ARHGEF3: variants seen among roughly 807,000 people sequenced by gnomAD.
ARHGEF3 encodes the protein Rho guanine nucleotide exchange factor 3.
ARHGEF3 carries 28 observed loss-of-function variants against 63.2 expected under a neutral mutation model. That is an observed-to-expected ratio of 0.44 (90% confidence interval 0.33 to 0.61). The LOEUF (loss-of-function observed/expected upper bound fraction) is 0.61, where lower values mean the gene tolerates loss of function less well. Ranked by LOEUF, ARHGEF3 falls within the 20% of genes least tolerant of loss-of-function variation. ARHGEF3 has a pLI of 0.03. For missense variants in ARHGEF3, 533 were observed against 659.3 expected (o/e 0.81, Z 2.10); for synonymous variants, 266 against 254.2 (o/e 1.05, Z -0.44).
At chr3:56,908,158 C>T (rs1241681245) in intron 3 of ARHGEF3, among the ~76,000 whole-genome samples, 1 of 152,198 alleles carries the variant, frequency 6.6e-6, no homozygotes, top group Non-Finnish European at 1.5e-5. Flanking sequence ...TGCAACAAAC[C>T]AGTACACTTC....
At chr3:56,949,753 T>C (rs1399904919) in intron 3 of ARHGEF3, among the ~76,000 whole-genome samples, 3 of 151,998 alleles carry the variant, frequency 2.0e-5, no homozygotes, top group Middle Eastern at 3.4e-3. Flanking sequence ...CTACCAATGA[T>C]TTTCTTCACA....
chr3:56,803,145 C>T (rs991397122), upstream of ARHGEF3, among the ~76,000 whole-genome samples: 2 of 152,210 alleles, frequency 1.3e-5, no homozygotes, highest in African/African-American at 4.8e-5. Context: ...TCCCCTGTGG[C>T]TGAAGGGAGG....
chr3:56,933,613 T>C (rs986305737), intron 3 of ARHGEF3, among the ~76,000 whole-genome samples: 1 of 152,078 alleles, frequency 6.6e-6, no homozygotes, highest in Non-Finnish European at 1.5e-5. Flanking sequence ...AGAGACAGGA[T>C]TTCACGATGT....
At chr3:57,074,215 T>C (rs1402423198) in intron 1 of ARHGEF3, 3 of 1,614,062 alleles carry the variant, frequency 1.9e-6, no homozygotes, top group South Asian at 2.2e-5. Context: ...GGCTGCTTTG[T>C]CAGGTCCCTC....
intron 2 of ARHGEF3, among the ~76,000 whole-genome samples, chr3:57,019,578 A>G (rs1040113341): frequency 6.6e-6 from 1 of 152,172 alleles, no homozygotes; most frequent in African/African-American, 2.4e-5. Context: ...AGATATATTT[A>G]CACCTCAATC....
chr3:56,863,091 A>G (rs2040132633), intron 4 of ARHGEF3, among the ~76,000 whole-genome samples: 1 of 152,160 alleles, frequency 6.6e-6, no homozygotes, highest in African/African-American at 2.4e-5. Flanking sequence ...TGGTTGTGTA[A>G]GCAAACTCAG....
At chr3:57,013,147 C>A (rs1702777847) in intron 2 of ARHGEF3, among the ~76,000 whole-genome samples, 1 of 152,254 alleles carries the variant, frequency 6.6e-6, no homozygotes, top group Admixed American at 6.5e-5. Flanking sequence ...CCTGAGCCCC[C>A]CGCCCTGGCG....
At chr3:56,867,483 ATTTT>A (rs869028837) in intron 4 of ARHGEF3, among the ~76,000 whole-genome samples, 11 of 127,574 alleles carry the variant, frequency 8.6e-5, no homozygotes, top group African/African-American at 2.7e-4. Flanking sequence ...TTATTTATTT[ATTTT>A]TTTGAGACAA....
chr3:56,999,021 T>C (rs1295583551), intron 2 of ARHGEF3, among the ~76,000 whole-genome samples: 2 of 152,106 alleles, frequency 1.3e-5, no homozygotes, highest in Non-Finnish European at 2.9e-5. Context: ...AGCCAACAGA[T>C]AAAGTAGTAA....
At chr3:57,058,062 T>C (rs186407847) in intron 1 of ARHGEF3, among the ~76,000 whole-genome samples, 12 of 152,346 alleles carry the variant, frequency 7.9e-5, no homozygotes, top group African/African-American at 2.6e-4. Flanking sequence ...GTCCTTGCCA[T>C]GGCCACATTC....
At chr3:57,017,043 C>T (rs1421737638) in intron 2 of ARHGEF3, among the ~76,000 whole-genome samples, 2 of 148,742 alleles carry the variant, frequency 1.3e-5, no homozygotes, top group African/African-American at 2.6e-5. Context: ...CACACACACA[C>T]ACACACACAC....
intron 4 of ARHGEF3, among the ~76,000 whole-genome samples, chr3:56,818,122 C>T (rs1205198346): frequency 3.9e-5 from 6 of 152,192 alleles, no homozygotes; most frequent in Non-Finnish European, 8.8e-5. Context: ...ACATAATGAG[C>T]TAACCCTCTG....
At chr3:56,900,071 G>A (rs372749636) in intron 3 of ARHGEF3, among the ~76,000 whole-genome samples, 1 of 152,136 alleles carries the variant, frequency 6.6e-6, no homozygotes, top group Admixed American at 6.5e-5. Context: ...GGGAGTGAAC[G>A]GGAAGTGAAG....
chr3:56,793,404 C>T (rs971972249), intron 1 of ARHGEF3, among the ~76,000 whole-genome samples: 14 of 152,170 alleles, frequency 9.2e-5, no homozygotes, highest in African/African-American at 3.4e-4. Context: ...CTCCTGACCT[C>T]ATGATCCGCT....
intron 2 of ARHGEF3, among the ~76,000 whole-genome samples, chr3:57,029,974 C>A (rs113181913): frequency 6.6e-6 from 1 of 152,118 alleles, no homozygotes; most frequent in South Asian, 2.1e-4. Context: ...ACCAAAACAG[C>A]CCTGGCCTAA....
At chr3:56,737,562 C>T (rs1464011057) in intron 7 of ARHGEF3, among the ~76,000 whole-genome samples, 2 of 151,400 alleles carry the variant, frequency 1.3e-5, no homozygotes, top group African/African-American at 2.4e-5. Flanking sequence ...CATACACACA[C>T]ATTTATTTGT....
intron 4 of ARHGEF3, among the ~76,000 whole-genome samples, chr3:56,856,555 AC>A (rs1481140164): frequency 1.5e-5 from 2 of 133,166 alleles, no homozygotes; most frequent in East Asian, 5.1e-4. Flanking sequence ...CTTCCCCACC[AC>A]CCACCATGTC....
chr3:56,814,585 T>C (rs1157247319), intron 4 of ARHGEF3, among the ~76,000 whole-genome samples: 1 of 152,198 alleles, frequency 6.6e-6, no homozygotes, highest in East Asian at 1.9e-4. Flanking sequence ...AATAAGATAA[T>C]ATGTATGTCA....
At chr3:57,070,142 C>T (rs138576712) in intron 1 of ARHGEF3, among the ~76,000 whole-genome samples, 73 of 152,290 alleles carry the variant, frequency 4.8e-4, no homozygotes, top group Non-Finnish European at 4.3e-4. Flanking sequence ...CCTATCACCA[C>T]CTGGTGCCTC....
Sources: allele counts gnomAD v4.1 joint callset (sites outside exome capture counted in the v4.1 genomes callset), GRCh38; gene constraint gnomAD v4.1.1; transcripts MANE v1.5; gene names NCBI Gene and HGNC (gene_info 2026-07-23, HGNC 2026-07-21).